Variants in PCDH11X observed in about 807,000 individuals in gnomAD.
PCDH11X encodes the protein protocadherin-11 X-linked.
In PCDH11X, 18 loss-of-function variants were observed where a neutral mutation model predicts 53.3. That is an observed-to-expected ratio of 0.34 (90% CI 0.23 to 0.50). The LOEUF is 0.50. PCDH11X is among the 20% of genes least tolerant of loss of function. PCDH11X has a pLI of 0.98. For missense variants in PCDH11X, 570 were observed against 1,032.4 expected (o/e 0.55, Z 6.14); for synonymous variants, 279 against 393.3 (o/e 0.71, Z 3.44).
chrX:92,474,279 T>C (rs894569537), intron 10 of PCDH11X, among the ~76,000 whole-genome samples: 2 of 111,090 alleles, frequency 1.8e-5, no homozygotes, highest in Non-Finnish European at 3.8e-5. Flanking sequence ...CCACTCTTTT[T>C]TAGTTTTTAT....
At position 92,229,311 on chromosome X, in the gene PCDH11X, T is replaced by C. The variant is rs746705116; in HGVS notation, c.3114+27856T>C. Among the ~76,000 whole-genome samples the C allele has an allele frequency of 1.2e-4, 13 of 111,106 alleles. No homozygotes were observed. The South Asian group carries it at 4.9e-3, about 42-fold the overall frequency. On this transcript the variant is annotated intron_variant, in intron 7 of 10. Coordinates refer to ENST00000682573, the MANE Select transcript of PCDH11X (RefSeq NM_032968.5). ...TAAGGGGGTAGGAGTATCAATCAAATTATAAGGACAACATGCAGTAGTCAT... is the reference window on the plus strand; with the variant it reads ...TAAGGGGGTAGGAGTATCAATCAAACTATAAGGACAACATGCAGTAGTCAT...
At chrX:92,528,604 C>T (rs926490375) in intron 10 of PCDH11X, among the ~76,000 whole-genome samples, 5 of 111,644 alleles carry the variant, frequency 4.5e-5, no homozygotes, top group Admixed American at 2.9e-4. Context: ...AGCCTTGAGT[C>T]CTAAATTGTG....
chrX:92,530,905 T>TTC (rs763266727), intron 10 of PCDH11X, among the ~76,000 whole-genome samples: 1 of 109,783 alleles, frequency 9.1e-6, no homozygotes, highest in Non-Finnish European at 1.9e-5. Context: ...AGAATGCAAT[T>TTC]TTTTTTATAA....
intron 4 of PCDH11X, chrX:91,835,083 A>C (rs1937246071): frequency 1.4e-6 from 1 of 697,848 alleles, no homozygotes; most frequent in Admixed American, 6.9e-5. Context: ...TAATGATTAT[A>C]TTTTGTGATT....
intron 7 of PCDH11X, among the ~76,000 whole-genome samples, chrX:92,260,857 A>T (rs1434898456): frequency 8.9e-6 from 1 of 112,071 alleles, no homozygotes; most frequent in Non-Finnish European, 1.9e-5. Flanking sequence ...ACGACACAAC[A>T]TGACTAATGT....
At chrX:91,974,120 T>C (rs1457852697) in intron 6 of PCDH11X, among the ~76,000 whole-genome samples, 1 of 111,820 alleles carries the variant, frequency 8.9e-6, no homozygotes, top group East Asian at 2.8e-4. Flanking sequence ...AAAATGTAAA[T>C]GGATGACTGA....
chrX:92,299,769 C>T (rs1294963045), intron 8 of PCDH11X, among the ~76,000 whole-genome samples: 1 of 110,875 alleles, frequency 9.0e-6, no homozygotes, highest in Non-Finnish European at 1.9e-5. Context: ...CTCCTGCATT[C>T]ATTAATGTTT....
intron 7 of PCDH11X, among the ~76,000 whole-genome samples, chrX:92,221,775 T>C (rs769119184): frequency 1.2e-3 from 129 of 111,613 alleles, no homozygotes; most frequent in African/African-American, 4.0e-3. Flanking sequence ...ATGGGTCTAC[T>C]GTATGACCAT....
At chrX:91,929,811 C>G (rs1005026044) in intron 6 of PCDH11X, among the ~76,000 whole-genome samples, 8 of 110,999 alleles carry the variant, frequency 7.2e-5, no homozygotes, top group African/African-American at 2.3e-4. Context: ...CAGTTTGACT[C>G]TCAGAAATTT....
chrX:92,135,606 A>G (rs1223528925), intron 6 of PCDH11X, among the ~76,000 whole-genome samples: 1 of 110,994 alleles, frequency 9.0e-6, no homozygotes, highest in Non-Finnish European at 1.9e-5. Flanking sequence ...TTTATGTTTC[A>G]TTATAAATAT....
rs779201770 is a variant in PCDH11X, at chrX:92,406,575, T to C, written c.3343+18642T>C. On this transcript the variant is annotated intron_variant, in intron 9 of 10. Coordinates refer to ENST00000682573, the MANE Select transcript of PCDH11X (RefSeq NM_032968.5). ...ACATAATTGTTTCTATCCTCTAATA[T>C]TTTCAAAGATTACCATTCTGCCATG... 1.7e-4 allele frequency among the ~76,000 whole-genome samples: 17 copies of C among 97,835 alleles called. No individual in the cohort carries two copies. The East Asian group carries it at 5.6e-3, about 32-fold the overall frequency. 85.0% of individuals were successfully genotyped at this position (97,835 alleles called of 115,157 possible).
At chrX:92,276,114 G>A (rs1365687108) in intron 8 of PCDH11X, among the ~76,000 whole-genome samples, 2 of 109,750 alleles carry the variant, frequency 1.8e-5, no homozygotes, top group Admixed American at 2.0e-4. Context: ...TGGCACCAGA[G>A]TTGGGGAGTT....
At chrX:92,247,666 C>T (rs1308138842) in intron 7 of PCDH11X, among the ~76,000 whole-genome samples, 1 of 111,835 alleles carries the variant, frequency 8.9e-6, no homozygotes, top group East Asian at 2.8e-4. Context: ...CCAATCTCTG[C>T]CTCCATCTTC....
At chrX:92,593,361 G>C (rs1831845484) in intron 10 of PCDH11X, among the ~76,000 whole-genome samples, 1 of 111,460 alleles carries the variant, frequency 9.0e-6, no homozygotes, top group Admixed American at 9.5e-5. Flanking sequence ...TGTTATACGT[G>C]GTTAAAATTG....
intron 6 of PCDH11X, among the ~76,000 whole-genome samples, chrX:91,994,015 T>G: frequency 1.1e-5 from 1 of 92,341 alleles, no homozygotes. Flanking sequence ...AATACAGTAT[T>G]TTATGTCAAT....
At chrX:92,137,479 G>A (rs111834905) in intron 6 of PCDH11X, among the ~76,000 whole-genome samples, 9 of 110,903 alleles carry the variant, frequency 8.1e-5, no homozygotes, top group South Asian at 7.7e-4. Flanking sequence ...TAAGAAAAAC[G>A]TTTTCATATA....
intron 6 of PCDH11X, among the ~76,000 whole-genome samples, chrX:92,168,533 CA>C (rs758702137): frequency 4.6e-4 from 46 of 99,607 alleles, no homozygotes; most frequent in Admixed American, 6.6e-4. Flanking sequence ...AACTCTGCCT[CA>C]AAAAAAAAAA....
At chrX:92,324,524 C>T (rs1298297049) in intron 8 of PCDH11X, among the ~76,000 whole-genome samples, 3 of 110,061 alleles carry the variant, frequency 2.7e-5, no homozygotes, top group African/African-American at 6.6e-5. Context: ...CAAATGCCTT[C>T]AGGTAACAAG....
chrX:92,615,750 T>A (rs1927896139), intron 10 of PCDH11X, among the ~76,000 whole-genome samples: 1 of 106,038 alleles, frequency 9.4e-6, no homozygotes, highest in Non-Finnish European at 1.9e-5. Context: ...TTTCCTGGTG[T>A]TTTCCCCTCA....
Sources: gnomAD v4.1 joint callset for allele counts (sites outside exome capture counted in the v4.1 genomes callset) on GRCh38, gnomAD v4.1.1 for gene constraint, MANE v1.5 for transcripts, NCBI Gene and HGNC (gene_info 2026-07-23, HGNC 2026-07-21) for gene names.